Variants in PHKA2 observed in about 807,000 individuals in gnomAD.
The protein encoded by PHKA2 is phosphorylase kinase regulatory subunit alpha 2, also known as phosphorylase b kinase regulatory subunit alpha, liver isoform.
Under a neutral mutation model 102.0 loss-of-function variants are expected in PHKA2, and 31 were observed. The ratio of observed to expected loss-of-function variants is 0.30; its 90% CI spans 0.23 to 0.41. The LOEUF is 0.41. Ranked by LOEUF, PHKA2 falls within the 10% of genes least tolerant of loss-of-function variation. The pLI is 1.00. For missense variants in PHKA2, 858 were observed against 1,023.1 expected (o/e 0.84, Z 2.20); for synonymous variants, 455 against 416.2 (o/e 1.09, Z -1.13).
intron 32 of PHKA2, chrX:18,893,970 G>T: frequency 2.2e-6 from 1 of 464,400 alleles, no homozygotes; most frequent in South Asian, 3.1e-5. Flanking sequence ...CACATGTGTT[G>T]CAAGTGGTGG....
At chrX:18,964,351 A>G (rs1229134251) in intron 1 of PHKA2, among the ~76,000 whole-genome samples, 1 of 112,185 alleles carries the variant, frequency 8.9e-6, no homozygotes, top group Non-Finnish European at 1.9e-5. Flanking sequence ...TCCATGGGAC[A>G]GAGGTCAGAG....
chrX:18,953,736 C>T (rs1310129372), intron 2 of PHKA2, among the ~76,000 whole-genome samples: 1 of 111,922 alleles, frequency 8.9e-6, no homozygotes, highest in African/African-American at 3.3e-5. Context: ...CCTGCAATTC[C>T]AGCACTTTGG....
chrX:18,944,369 G>A (rs1022346041), intron 6 of PHKA2, among the ~76,000 whole-genome samples: 1 of 111,499 alleles, frequency 9.0e-6, no homozygotes, highest in Non-Finnish European at 1.9e-5. Context: ...TTAGTAATAA[G>A]TACACTTTCT....
intron 4 of PHKA2, 79 bp downstream of exon 4, chrX:18,951,025 T>C (rs1396823837): frequency 2.0e-6 from 2 of 1,000,662 alleles, no homozygotes; most frequent in African/African-American, 3.7e-5. Flanking sequence ...CCTGACACAC[T>C]GGCCGCTACC....
intron 1 of PHKA2, among the ~76,000 whole-genome samples, chrX:18,983,143 A>G (rs2049201005): frequency 8.9e-6 from 1 of 112,297 alleles, no homozygotes; most frequent in African/African-American, 3.2e-5. Flanking sequence ...CTGTTGATTG[A>G]GGGCAAGAAA....
intron 19 of PHKA2, among the ~76,000 whole-genome samples, chrX:18,917,648 GT>G (rs979164480): frequency 9.0e-6 from 1 of 111,562 alleles, no homozygotes; most frequent in Non-Finnish European, 1.9e-5. Context: ...AAATGGCAAG[GT>G]TTCAACAATT....
intron 1 of PHKA2, among the ~76,000 whole-genome samples, chrX:18,972,013 T>C (rs2049025066): frequency 8.8e-6 from 1 of 113,094 alleles, no homozygotes; most frequent in South Asian, 3.6e-4. Context: ...ATTTATTTTA[T>C]GATTTATGAT....
chrX:18,964,197 C>G (rs528973528), intron 1 of PHKA2, among the ~76,000 whole-genome samples: 1 of 111,429 alleles, frequency 9.0e-6, no homozygotes, highest in East Asian at 2.8e-4. Flanking sequence ...TGCACACACA[C>G]TGCTCTGGCA....
chrX:18,932,364 T>C (rs1485115491), intron 11 of PHKA2, among the ~76,000 whole-genome samples: 5 of 111,341 alleles, frequency 4.5e-5, no homozygotes, highest in African/African-American at 1.6e-4. Flanking sequence ...CTTTCTCTCT[T>C]TTAAACTCCA....
chrX:18,907,047 C>A lies in PHKA2; in HGVS notation c.2568G>T (p.Pro856=), dbSNP rs141034910. 922 of 1,194,858 alleles carry A rather than the reference C, an allele frequency of 7.7e-4. 1 individual carries two copies. The highest frequency in any genetic ancestry group is 9.9e-4 in the Non-Finnish European group (880 of 887,520). ...AGATGATCTTCTCCCGGGGCTCGGG[C>A]GGCAGGCCCACGGTGAGCTGCTTCT... ...SHQKQLTVGL[P]PEPREKIISA... The change falls in exon 23 of 33, where the codon CCG becomes CCT. Residue 856 remains proline, a synonymous_variant. Coordinates refer to ENST00000379942, the MANE Select transcript of PHKA2 (RefSeq NM_000292.3).
intron 1 of PHKA2, among the ~76,000 whole-genome samples, chrX:18,973,660 G>C (rs1045657313): frequency 1.8e-5 from 2 of 111,985 alleles, no homozygotes; most frequent in African/African-American, 6.5e-5. Context: ...ATCTGAAACA[G>C]TTTAAGATAG....
rs781149626 is a variant in PHKA2 at position 18,901,614 on chromosome X, AAC to A, written c.2909-13_2909-12del. On this transcript the variant is annotated splice_polypyrimidine_tract_variant and intron_variant, in intron 26 of 32. Transcript: ENST00000379942. ...AGTGGATAGGGCGCACTGGGTGGGA[AAC>A]ACACACACGTGGTTCTCAGGAACTC... 9 of 1,078,845 alleles carry A rather than the reference AAC, an allele frequency of 8.3e-6. No homozygotes were observed. In the South Asian group the frequency reaches 1.1e-4, roughly 13 times the overall value. 88.9% of individuals were successfully genotyped at this position (1,078,845 alleles called of 1,213,427 possible). A position where few individuals can be genotyped will look rare whatever the true frequency, so the allele number is the denominator to read the frequency against.
At chrX:18,919,898 G>A in intron 18 of PHKA2, 134 bp downstream of exon 18, 1 of 557,903 alleles carries the variant, frequency 1.8e-6, no homozygotes, top group East Asian at 3.3e-5. Flanking sequence ...GCAAGTTTCA[G>A]AAGCCTCTTT....
chrX:18,914,437 C>T (rs761264099), intron 19 of PHKA2, among the ~76,000 whole-genome samples: 1 of 111,981 alleles, frequency 8.9e-6, no homozygotes, highest in East Asian at 2.8e-4. Context: ...TGGAGAAATC[C>T]GAGAGCTGGT....
At chrX:18,924,597 C>G in intron 15 of PHKA2, 72 bp from the exon 16 acceptor site, 2 of 1,024,553 alleles carry the variant, frequency 2.0e-6, no homozygotes, top group Non-Finnish European at 2.7e-6. Context: ...CAACTCAGGT[C>G]AGCACTAATC....
intron 29 of PHKA2, among the ~76,000 whole-genome samples, chrX:18,898,422 A>T (rs1601696638): frequency 8.9e-6 from 1 of 112,958 alleles, no homozygotes; most frequent in Non-Finnish European, 1.9e-5. Flanking sequence ...TCGAGAAGGG[A>T]TAACCTTCAC....
intron 1 of PHKA2, among the ~76,000 whole-genome samples, chrX:18,972,880 A>G: frequency 8.9e-6 from 1 of 112,213 alleles, no homozygotes; most frequent in Non-Finnish European, 1.9e-5. Flanking sequence ...AGGGGGTGAT[A>G]GTGGGGATCC....
intron 19 of PHKA2, among the ~76,000 whole-genome samples, chrX:18,917,733 G>C (rs1390172786): frequency 9.0e-6 from 1 of 110,601 alleles, no homozygotes; most frequent in African/African-American, 3.3e-5. Context: ...CAAGAAAGAA[G>C]AGTTGGGATA....
chrX:18,947,416 C>G (rs1421500454), intron 5 of PHKA2, among the ~76,000 whole-genome samples: 1 of 112,083 alleles, frequency 8.9e-6, no homozygotes, highest in Non-Finnish European at 1.9e-5. Context: ...GGGGTTTATA[C>G]ACATTTATAC....
Sources: allele counts gnomAD v4.1 joint callset (sites outside exome capture counted in the v4.1 genomes callset), GRCh38; gene constraint gnomAD v4.1.1; transcripts MANE v1.5; gene names NCBI Gene and HGNC (gene_info 2026-07-23, HGNC 2026-07-21).